Variants in ZNF813 observed in about 807,000 individuals in gnomAD.
The protein encoded by ZNF813 is zinc finger protein 813.
Under a neutral mutation model 7.2 loss-of-function variants are expected in ZNF813, and 3 were observed. The ratio of observed to expected loss-of-function variants is 0.42; its 90% CI spans 0.19 to 1.08. The LOEUF is 1.08. Among genes scored for constraint, ZNF813 ranks in the 50% least tolerant of loss-of-function variants. ZNF813 has a pLI of 0.30. For missense variants in ZNF813, 714 were observed against 753.3 expected (o/e 0.95, Z 0.61); for synonymous variants, 227 against 256.3 (o/e 0.89, Z 1.09).
rs12460628 is a variant in ZNF813 at position 53,490,734 on chromosome 19, A to G, written c.502A>G (p.Ile168Val). ...GKIGNQVEKS[I>V]NDASSISTSQ... ...AATTGGTAATCAAGTGGAGAAGTCT[A>G]TCAACGATGCTTCCTCAATTTCAAC... The change falls in exon 4 of 4, where the codon ATC (isoleucine) becomes GTC (valine). Residue 168 changes from isoleucine (I) to valine (V), a missense_variant. Coordinates refer to ENST00000396403, the MANE Select transcript of ZNF813 (RefSeq NM_001004301.4). 9 of 1,614,020 alleles carry G rather than the reference A, an allele frequency of 5.6e-6. No individual in the cohort carries two copies. Among genetic ancestry groups the G allele is most frequent in the African/African-American group, 4.0e-5 (3 of 74,888 alleles).
intron 1 of ZNF813, among the ~76,000 whole-genome samples, chr19:53,481,066 A>G (rs1993881): frequency 0.79 from 119,496 of 152,054 alleles, 47,544 homozygotes; most frequent in African/African-American, 0.92. Flanking sequence ...TGATCTATAG[A>G]TGTGTCAGTT....
At chr19:53,484,382 G>A (rs1444284811) in intron 2 of ZNF813, among the ~76,000 whole-genome samples, 1 of 152,128 alleles carries the variant, frequency 6.6e-6, no homozygotes, top group African/African-American at 2.4e-5. Flanking sequence ...GATAGAAGAT[G>A]TTTTATCCCA....
chr19:53,472,101 A>G (rs2086362329), intron 1 of ZNF813, among the ~76,000 whole-genome samples: 1 of 152,144 alleles, frequency 6.6e-6, no homozygotes, highest in South Asian at 2.1e-4. Context: ...TTGATAACAT[A>G]TAGGTAGGTT....
At chr19:53,482,712 G>GTTTTTTTTTTTTTT (rs869250512) in intron 1 of ZNF813, among the ~76,000 whole-genome samples, 2 of 89,090 alleles carry the variant, frequency 2.2e-5, no homozygotes, top group Non-Finnish European at 4.1e-5. Context: ...AATGCTTTTT[G>GTTTTTTTTTTTTTT]TTTTTTTTTT....
intron 1 of ZNF813, among the ~76,000 whole-genome samples, chr19:53,471,435 A>C (rs919750569): frequency 6.6e-6 from 1 of 152,166 alleles, no homozygotes; most frequent in African/African-American, 2.4e-5. Context: ...GTCTTAAACA[A>C]GTTAATTCTT....
intron 1 of ZNF813, among the ~76,000 whole-genome samples, chr19:53,475,775 G>C (rs1393282054): frequency 6.6e-6 from 1 of 152,218 alleles, no homozygotes; most frequent in Non-Finnish European, 1.5e-5. Flanking sequence ...GCGATGCCAC[G>C]ATCCTATAAG....
chr19:53,472,948 C>T (rs141582719), intron 1 of ZNF813, among the ~76,000 whole-genome samples: 139 of 152,202 alleles, frequency 9.1e-4, no homozygotes, highest in Admixed American at 2.2e-3. Flanking sequence ...TCCTTGTACA[C>T]TCATAATAAG....
At chr19:53,485,575 T>C (rs1391258946) in intron 2 of ZNF813, among the ~76,000 whole-genome samples, 6 of 132,030 alleles carry the variant, frequency 4.5e-5, no homozygotes, top group African/African-American at 1.1e-4. Flanking sequence ...TATATACATG[T>C]ATGTCATGAC....
intron 1 of ZNF813, among the ~76,000 whole-genome samples, chr19:53,474,535 A>T (rs1252661410): frequency 6.6e-6 from 1 of 152,120 alleles, no homozygotes; most frequent in Non-Finnish European, 1.5e-5. Flanking sequence ...GAAAAAACAA[A>T]AGAAGTAGCC....
At position 53,495,968 on chromosome 19, in the gene ZNF813, CA is replaced by C; in HGVS notation, c.*3886del. 2.7e-6 allele frequency: 1 copy of C among 369,932 alleles called. No homozygotes were observed. The allele number at this position is 369,932 out of a possible 1,614,324, so 22.9% of individuals were successfully genotyped here. On this transcript the variant is annotated 3_prime_UTR_variant, in exon 4 of 4. Coordinates refer to ENST00000396403, the MANE Select transcript of ZNF813 (RefSeq NM_001004301.4). Reference sequence around the variant, plus strand: ...TTCCATTCCCCCAGTGGATTCAGATCAAAACTGGTAATAAAATCAGGTACGA... The same window carrying C: ...TTCCATTCCCCCAGTGGATTCAGATCAAACTGGTAATAAAATCAGGTACGA...
chr19:53,477,137 T>G (rs1182577678), intron 1 of ZNF813, among the ~76,000 whole-genome samples: 2 of 152,204 alleles, frequency 1.3e-5, no homozygotes. Context: ...TATCACAGTG[T>G]ACGGGTTGGG....
intron 1 of ZNF813, among the ~76,000 whole-genome samples, chr19:53,481,969 A>G (rs2086410475): frequency 6.6e-6 from 1 of 152,128 alleles, no homozygotes; most frequent in African/African-American, 2.4e-5. Context: ...CATCTCAGAC[A>G]TTCTCAGGGT....
intron 1 of ZNF813, among the ~76,000 whole-genome samples, chr19:53,483,386 C>T (rs1325342882): frequency 1.3e-5 from 2 of 152,174 alleles, no homozygotes; most frequent in African/African-American, 2.4e-5. Flanking sequence ...GATGGGGTTT[C>T]ACCATGTTGC....
In ZNF813 at chr19:53,491,464, A is replaced by G. The variant is rs748225208; in HGVS notation, c.1232A>G (p.Tyr411Cys). The G allele has an allele frequency of 2.0e-5, 32 of 1,614,048 alleles. No individual in the cohort carries two copies. The highest frequency in any genetic ancestry group is 3.3e-5 in the South Asian group (3 of 91,080). Residue 411 changes from tyrosine (Y) to cysteine (C), a missense_variant, in exon 4 of 4, where the codon TAC (tyrosine) becomes TGC (cysteine). Transcript: ENST00000396403. Reference protein sequence around the residue: ...HRRLHTGEKPYKCNECGKVFN... With the variant: ...HRRLHTGEKPCKCNECGKVFN... ...AGACTTCATACCGGAGAGAAGCCTT[A>G]CAAGTGTAATGAATGTGGCAAGGTT...
At chr19:53,472,266 T>G (rs1256524707) in intron 1 of ZNF813, among the ~76,000 whole-genome samples, 2 of 152,178 alleles carry the variant, frequency 1.3e-5, no homozygotes, top group Non-Finnish European at 2.9e-5. Context: ...CTTTGTTGTG[T>G]GCTGGGGTGC....
Position 53,490,443 on chromosome 19 carries a change from A to G in ZNF813, c.211A>G (p.Thr71Ala). ...ACAAGGCAATAGAGAAGTGATCCAC[A>G]CAGGGACATTGCAAAGACATGAAAG... ...TAQGNREVIH[T>A]GTLQRHESHH... Residue 71 changes from threonine to alanine, a missense_variant, in exon 4 of 4, where the codon ACA (threonine) becomes GCA (alanine). Thr to Ala is a moderately conservative substitution (Grantham distance 58). Coordinates refer to ENST00000396403, the MANE Select transcript of ZNF813 (RefSeq NM_001004301.4). 1 of 1,614,222 alleles carries G rather than the reference A, an allele frequency of 6.2e-7. No homozygotes were observed. The highest frequency in any genetic ancestry group is 8.5e-7 in the Non-Finnish European group (1 of 1,180,024).
intron 1 of ZNF813, among the ~76,000 whole-genome samples, chr19:53,472,735 C>T (rs949780474): frequency 6.6e-6 from 1 of 151,696 alleles, no homozygotes; most frequent in Non-Finnish European, 1.5e-5. Flanking sequence ...GCCCCATCCT[C>T]CTGAATAGCT....
chr19:53,468,591 G>A (rs1044059285), intron 1 of ZNF813, among the ~76,000 whole-genome samples: 1 of 152,094 alleles, frequency 6.6e-6, no homozygotes, highest in Non-Finnish European at 1.5e-5. Context: ...GAAAACATGT[G>A]AGCAAAGGAA....
At chr19:53,469,294 G>C (rs1463094874) in intron 1 of ZNF813, among the ~76,000 whole-genome samples, 1 of 152,088 alleles carries the variant, frequency 6.6e-6, no homozygotes, top group Non-Finnish European at 1.5e-5. Flanking sequence ...CATCCACAAA[G>C]TAACAGTCTG....
Sources: allele counts gnomAD v4.1 joint callset (sites outside exome capture counted in the v4.1 genomes callset), GRCh38; gene constraint gnomAD v4.1.1; transcripts MANE v1.5; gene names NCBI Gene and HGNC (gene_info 2026-07-23, HGNC 2026-07-21).